Variants in SGCZ observed in about 807,000 individuals in gnomAD.
SGCZ encodes the protein zeta-sarcoglycan.
In SGCZ, 40 loss-of-function variants were observed where a neutral mutation model predicts 41.3. The observed-to-expected ratio is 0.97, with a 90% CI of 0.75 to 1.26. SGCZ has a LOEUF of 1.26. SGCZ is among the 50% of genes most tolerant of loss of function. The probability of loss-of-function intolerance (pLI) is 0.00; values close to 1 mark genes in which losing one functional copy is unlikely to be tolerated. For synonymous variants in SGCZ, 206 were observed against 137.5 expected, an observed-to-expected ratio of 1.50 and a Z score of -3.49; for missense variants, 552 against 369.8, an observed-to-expected ratio of 1.49 and a Z score of -4.04.
chr8:15,136,834 T>C (rs145531159), intron 1 of SGCZ, among the ~76,000 whole-genome samples: 245 of 152,214 alleles, frequency 1.6e-3, no homozygotes, highest in African/African-American at 5.5e-3. Flanking sequence ...TAGAACGCAA[T>C]AATCCAGTAA....
At chr8:15,082,927 T>A (rs192299268) in intron 1 of SGCZ, among the ~76,000 whole-genome samples, 71 of 148,198 alleles carry the variant, frequency 4.8e-4, no homozygotes, top group African/African-American at 1.8e-3. Context: ...TTTTCTAGCA[T>A]TTTTTTTTCT....
chr8:14,453,458 G>A (rs1800656231), intron 2 of SGCZ, among the ~76,000 whole-genome samples: 1 of 152,058 alleles, frequency 6.6e-6, no homozygotes, highest in Non-Finnish European at 1.5e-5. Context: ...GGTACTAAGT[G>A]TCTCATAACA....
At chr8:14,436,229 C>T (rs928645324) in intron 2 of SGCZ, among the ~76,000 whole-genome samples, 1 of 152,112 alleles carries the variant, frequency 6.6e-6, no homozygotes, top group African/African-American at 2.4e-5. Flanking sequence ...GAACTCGTGG[C>T]ACAGACCCTG....
chr8:14,266,456 C>G (rs1317917084), intron 3 of SGCZ, among the ~76,000 whole-genome samples: 2 of 151,860 alleles, frequency 1.3e-5, no homozygotes, highest in Non-Finnish European at 2.9e-5. Context: ...GATATTTGCA[C>G]TGATTAAAAA....
chr8:14,819,181 A>G (rs1440599524), intron 1 of SGCZ, among the ~76,000 whole-genome samples: 1 of 152,188 alleles, frequency 6.6e-6, no homozygotes, highest in Non-Finnish European at 1.5e-5. Flanking sequence ...CTGCAAGAGA[A>G]TAGTGTCAAG....
intron 1 of SGCZ, among the ~76,000 whole-genome samples, chr8:14,646,163 G>C (rs1807207975): frequency 6.6e-6 from 1 of 151,864 alleles, no homozygotes. Context: ...CAGATACTGA[G>C]CACAGTACCC....
Position 14,386,276 on chromosome 8 carries a change from A to G in SGCZ, c.235-62072T>C, listed in dbSNP as rs61000211. Among the ~76,000 whole-genome samples, 150 of 150,968 alleles carry G rather than the reference A, an allele frequency of 9.9e-4. 1 individual carries two copies. Among genetic ancestry groups the G allele is most frequent in the African/African-American group, 3.7e-3 (149 of 40,620 alleles). ...TTTGTTTAAAACTTCAGTATCAATG[A>G]TAAAAATCTTTTGACTGCATCATGG... On this transcript the variant is annotated intron_variant, in intron 2 of 7. Coordinates refer to ENST00000382080, the MANE Select transcript of SGCZ (RefSeq NM_139167.4).
At chr8:14,815,974 C>A (rs1035738459) in intron 1 of SGCZ, among the ~76,000 whole-genome samples, 22 of 152,108 alleles carry the variant, frequency 1.4e-4, no homozygotes, top group South Asian at 6.2e-4. Context: ...TAATGTGAGC[C>A]ATTATACAAT....
chr8:14,558,588 G>GAGAC (rs1192164667), intron 1 of SGCZ, among the ~76,000 whole-genome samples: 14 of 146,470 alleles, frequency 9.6e-5, no homozygotes, highest in East Asian at 6.9e-4. Flanking sequence ...GAGAGAGAGA[G>GAGAC]AGAGAGAGAG....
intron 2 of SGCZ, among the ~76,000 whole-genome samples, chr8:14,333,589 C>A (rs1007099410): frequency 5.9e-5 from 9 of 152,006 alleles, no homozygotes; most frequent in African/African-American, 2.2e-4. Flanking sequence ...CTCAGATATT[C>A]ATAGTACACA....
intron 2 of SGCZ, among the ~76,000 whole-genome samples, chr8:14,470,281 G>C (rs1210623508): frequency 6.6e-6 from 1 of 152,106 alleles, no homozygotes; most frequent in Non-Finnish European, 1.5e-5. Context: ...TGCACACAAT[G>C]AGGTTATTTC....
intron 1 of SGCZ, among the ~76,000 whole-genome samples, chr8:14,758,048 C>A (rs1799746481): frequency 6.6e-6 from 1 of 151,632 alleles, no homozygotes; most frequent in Non-Finnish European, 1.5e-5. Flanking sequence ...AATATTATAC[C>A]CATTTCCAGT....
intron 2 of SGCZ, among the ~76,000 whole-genome samples, chr8:14,346,563 A>C (rs1324638282): frequency 6.6e-6 from 1 of 152,072 alleles, no homozygotes; most frequent in Non-Finnish European, 1.5e-5. Flanking sequence ...AATATTTTAA[A>C]AGTAGGCATA....
At chr8:15,053,475 G>T (rs1804592934) in intron 1 of SGCZ, among the ~76,000 whole-genome samples, 1 of 152,066 alleles carries the variant, frequency 6.6e-6, no homozygotes, top group Non-Finnish European at 1.5e-5. Context: ...CTGCAATCCT[G>T]GTCCTGTGCA....
intron 1 of SGCZ, among the ~76,000 whole-genome samples, chr8:14,706,761 A>G (rs977198399): frequency 6.6e-6 from 1 of 152,140 alleles, no homozygotes; most frequent in Non-Finnish European, 1.5e-5. Flanking sequence ...AGTTACTTTA[A>G]GTATAATGTT....
chr8:14,437,987 G>A (rs572686571), intron 2 of SGCZ, among the ~76,000 whole-genome samples: 77 of 151,792 alleles, frequency 5.1e-4, no homozygotes, highest in Non-Finnish European at 9.7e-4. Context: ...AATAGCCTCC[G>A]AGAAATTTTA....
chr8:15,192,526 G>A (rs1332661284), intron 1 of SGCZ, among the ~76,000 whole-genome samples: 1 of 152,068 alleles, frequency 6.6e-6, no homozygotes, highest in African/African-American at 2.4e-5. Flanking sequence ...CATTCTTTAT[G>A]CTCTTCTACA....
rs1204303906 is a variant in SGCZ, at chr8:14,392,971, AT to A, written c.235-68768del. Among the ~76,000 whole-genome samples the A allele has an allele frequency of 2.0e-4, 30 of 152,254 alleles. No individual in the cohort carries two copies. In the Middle Eastern group the frequency reaches 0.02, roughly 104 times the overall value. ...TTTTATTACACTTTGTACTTAATTAATTTTTATAATTTTCAGGAGATAGAAC... is the reference window on the plus strand; with the variant it reads ...TTTTATTACACTTTGTACTTAATTAATTTTATAATTTTCAGGAGATAGAAC... On this transcript the variant is annotated intron_variant, in intron 2 of 7. Coordinates refer to ENST00000382080, the MANE Select transcript of SGCZ (RefSeq NM_139167.4).
intron 1 of SGCZ, among the ~76,000 whole-genome samples, chr8:14,726,132 A>G (rs3106176): frequency 0.77 from 116,551 of 150,400 alleles, 45,129 homozygotes; most frequent in Admixed American, 0.81. Context: ...GGTGGCACGC[A>G]CCTGTAGTCC....
Sources: gnomAD v4.1 joint callset for allele counts (sites outside exome capture counted in the v4.1 genomes callset) on GRCh38, gnomAD v4.1.1 for gene constraint, MANE v1.5 for transcripts, NCBI Gene and HGNC (gene_info 2026-07-23, HGNC 2026-07-21) for gene names.